The following CDC42BPB variants were observed in gnomAD, a reference collection of about 807,000 sequenced individuals.
CDC42BPB encodes serine/threonine-protein kinase MRCK beta.
A neutral mutation model predicts 214.9 loss-of-function variants in CDC42BPB; 37 were observed. That is an observed-to-expected ratio of 0.17 (90% CI 0.13 to 0.23). CDC42BPB has a LOEUF of 0.23. Ranked by LOEUF, CDC42BPB falls within the 10% of genes least tolerant of loss-of-function variation. CDC42BPB has a pLI of 1.00. For missense variants in CDC42BPB, 1,694 were observed against 2,227.0 expected (o/e 0.76, Z 4.82); for synonymous variants, 931 against 884.0 (o/e 1.05, Z -0.94).
chr14:103,055,478 CCTCA>C (rs1477367029), intron 1 of CDC42BPB, among the ~76,000 whole-genome samples: 1 of 152,194 alleles, frequency 6.6e-6, no homozygotes, highest in Admixed American at 6.5e-5. Context: ...GCACCAAAGA[CCTCA>C]CTTTCAAAGC....
Position 102,946,387 on chromosome 14 carries a change from C to G in CDC42BPB, c.3748+81G>C. The G allele has an allele frequency of 1.6e-5, 23 of 1,477,224 alleles. No individual in the cohort carries two copies. In the South Asian group the frequency reaches 1.7e-4, roughly 11 times the overall value. 91.5% of individuals were successfully genotyped at this position (1,477,224 alleles called of 1,614,324 possible). A position where few individuals can be genotyped will look rare whatever the true frequency, so the allele number is the denominator to read the frequency against. Reference sequence around the variant, plus strand: ...ACCCAAATGGACCTGTGACCTTCATCTGATTTTCAGATGGGCACTGCAGCG... The same window carrying G: ...ACCCAAATGGACCTGTGACCTTCATGTGATTTTCAGATGGGCACTGCAGCG... On this transcript the variant is annotated intron_variant, in intron 28 of 36. Coordinates refer to ENST00000361246, the MANE Select transcript of CDC42BPB (RefSeq NM_006035.4).
At chr14:102,985,075 T>A (rs367887446) in intron 6 of CDC42BPB, among the ~76,000 whole-genome samples, 7 of 147,992 alleles carry the variant, frequency 4.7e-5, no homozygotes, top group Admixed American at 2.7e-4. Flanking sequence ...GCTCTGGTTA[T>A]ACCATGACGG....
chr14:102,986,292 T>G (rs1188990060), intron 6 of CDC42BPB, 195 bp downstream of exon 6: 1 of 531,016 alleles, frequency 1.9e-6, no homozygotes, highest in East Asian at 3.1e-5. Flanking sequence ...TAAAAAGCAA[T>G]AAAGATGCTT....
chr14:103,020,158 C>T (rs1376836108), intron 1 of CDC42BPB, among the ~76,000 whole-genome samples: 1 of 152,226 alleles, frequency 6.6e-6, no homozygotes, highest in Admixed American at 6.5e-5. Flanking sequence ...ACTGTTTGGG[C>T]CTCAGCTGCT....
intron 1 of CDC42BPB, among the ~76,000 whole-genome samples, chr14:103,031,881 A>G (rs1281964061): frequency 6.6e-6 from 1 of 152,228 alleles, no homozygotes; most frequent in Non-Finnish European, 1.5e-5. Context: ...TAAAAAATCA[A>G]AAAGCTTAAG....
chr14:102,933,383 T>C lies in CDC42BPB; in HGVS notation c.*329A>G, dbSNP rs918088271. On this transcript the variant is annotated 3_prime_UTR_variant, in exon 37 of 37. Transcript: ENST00000361246. ...GTCTGCTTCCGAAGCAGCCGCGTCA[T>C]GACGGGTTTCTGCTGAGGAAGTGGT... 4.5e-5 allele frequency: 11 copies of C among 245,290 alleles called. No homozygotes were observed. The highest frequency in any genetic ancestry group is 1.3e-4 in the African/African-American group (6 of 44,812). 15.2% of individuals were successfully genotyped at this position (245,290 alleles called of 1,614,324 possible). A position where few individuals can be genotyped will look rare whatever the true frequency, so the allele number is the denominator to read the frequency against.
chr14:102,944,487 A>G lies in CDC42BPB; in HGVS notation c.3812T>C (p.Val1271Ala), dbSNP rs1892057228. ...GLYVIEVTRDVIVRAADCKKV... is the reference protein window; with the variant it reads ...GLYVIEVTRDAIVRAADCKKV... Reference sequence around the variant, plus strand: ...CTTACAGTCAGCGGCACGGACGATCACTGTGGCAAGGAGGACAAGAGCGTG... The same window carrying G: ...CTTACAGTCAGCGGCACGGACGATCGCTGTGGCAAGGAGGACAAGAGCGTG... Residue 1271 changes from valine to alanine, a missense_variant and splice_region_variant, in exon 30 of 37, where the codon GTG (valine) becomes GCG (alanine). Coordinates refer to ENST00000361246, the MANE Select transcript of CDC42BPB (RefSeq NM_006035.4). This position sits in a 1 kb window ranked among gnomAD's most constrained non-coding sequence, Gnocchi z 6.6. 1 of 1,608,982 alleles carries G rather than the reference A, an allele frequency of 6.2e-7. No individual in the cohort carries two copies. Among genetic ancestry groups the G allele is most frequent in the African/African-American group, 1.3e-5 (1 of 74,876 alleles).
At chr14:103,038,335 C>CT (rs985714528) in intron 1 of CDC42BPB, among the ~76,000 whole-genome samples, 1 of 148,210 alleles carries the variant, frequency 6.7e-6, no homozygotes, top group Non-Finnish European at 1.5e-5. Flanking sequence ...GAGCGAGACT[C>CT]TGTCTCAAAA....
In CDC42BPB at chr14:102,975,823, C is replaced by CGTGA. The variant is rs1893714198; in HGVS notation, c.1388-24_1388-21dup. 1 of 1,613,954 alleles carries CGTGA rather than the reference C, an allele frequency of 6.2e-7. No homozygotes were observed. The highest frequency in any genetic ancestry group is 1.7e-5 in the Admixed American group (1 of 60,010). On this transcript the variant is annotated intron_variant, in intron 10 of 36. Coordinates refer to ENST00000361246, the MANE Select transcript of CDC42BPB (RefSeq NM_006035.4). The stretch of plus-strand genomic sequence containing the variant: ...TGGACTCTGAGGGATGGAGAGACAG[C>CGTGA]GTGAGGTGCAGCCTGGCCGCAGCGC...
chr14:103,033,999 C>A lies in CDC42BPB; in HGVS notation c.176-21811G>T, dbSNP rs545574737. ...AAACTTCTGTACGGATTCTACAAAGCTGCCATGGCAAACAGCTTCAGTATT... is the reference window on the plus strand; with the variant it reads ...AAACTTCTGTACGGATTCTACAAAGATGCCATGGCAAACAGCTTCAGTATT... On this transcript the variant is annotated intron_variant, in intron 1 of 36. Coordinates refer to ENST00000361246, the MANE Select transcript of CDC42BPB (RefSeq NM_006035.4). Among the ~76,000 whole-genome samples the A allele has an allele frequency of 2.6e-5, 4 of 152,354 alleles. No individual in the cohort carries two copies. In the South Asian group the frequency reaches 8.3e-4, roughly 32 times the overall value.
In CDC42BPB at chr14:103,004,801, G is replaced by A. The variant is rs7151784; in HGVS notation, c.352-778C>T. ...GGAGAACTGCTTGAGCCCAGGAAGC[G>A]GAGGTTGCGGTGAGCCAAAATTGCA... On this transcript the variant is annotated intron_variant, in intron 3 of 36. Coordinates refer to ENST00000361246, the MANE Select transcript of CDC42BPB (RefSeq NM_006035.4). The surrounding 1 kb of genome is among the most constrained non-coding windows in gnomAD (Gnocchi z 5.3). 0.069 allele frequency among the ~76,000 whole-genome samples: 10,536 copies of A among 151,884 alleles called. 826 individuals are homozygous for A. Among genetic ancestry groups the A allele is most frequent in the African/African-American group, 0.2 (8,065 of 41,332 alleles).
intron 25 of CDC42BPB, chr14:102,950,118 G>A (rs1338762764): frequency 1.4e-5 from 14 of 984,856 alleles, no homozygotes; most frequent in South Asian, 4.7e-5. Flanking sequence ...CTCAGCCAAC[G>A]CTGTGTCCAC....
chr14:102,953,282 G>A (rs568393910), intron 23 of CDC42BPB, among the ~76,000 whole-genome samples: 1 of 152,366 alleles, frequency 6.6e-6, no homozygotes, highest in East Asian at 1.9e-4. Flanking sequence ...AGAGAGCTGT[G>A]GGGGAAGAGG....
chr14:102,952,398 G>C, intron 24 of CDC42BPB, 100 bp downstream of exon 24: 1 of 693,096 alleles, frequency 1.4e-6, no homozygotes, highest in Non-Finnish European at 2.5e-6. Context: ...ACTTTAGTTT[G>C]GTTTGCTTGC....
At chr14:102,948,028 G>T in intron 26 of CDC42BPB, 1 of 937,244 alleles carries the variant, frequency 1.1e-6, no homozygotes, top group Non-Finnish European at 1.3e-6. Flanking sequence ...AAACCCCGGA[G>T]CCTCATCCCC....
At chr14:102,956,399 A>T in intron 21 of CDC42BPB, 1 of 972,632 alleles carries the variant, frequency 1.0e-6, no homozygotes, top group Non-Finnish European at 1.2e-6. Flanking sequence ...GTAAAAACCA[A>T]CATGTTTCAT....
chr14:102,939,685 G>A lies in CDC42BPB; in HGVS notation c.4752C>T (p.Ser1584=). 1 of 1,614,164 alleles carries A rather than the reference G, an allele frequency of 6.2e-7. No homozygotes were observed. Among genetic ancestry groups the A allele is most frequent in the Non-Finnish European group, 8.5e-7 (1 of 1,180,022 alleles). ...RDPELRSKMI[S]NPTNFNHVAH... ...CCACGTGGTTGAAGTTGGTTGGGTT[G>A]GATATCATTTTGGATCTCAATTCTG... The change falls in exon 34 of 37, where the codon TCC becomes TCT. Residue 1584 remains serine (S), a synonymous_variant. Transcript: ENST00000361246.
chr14:103,017,237 G>A (rs992050559), intron 1 of CDC42BPB, among the ~76,000 whole-genome samples: 2 of 152,144 alleles, frequency 1.3e-5, no homozygotes, highest in African/African-American at 4.8e-5. Flanking sequence ...GCGAGAGATC[G>A]CTGGAGCCCG....
chr14:103,010,688 A>T (rs753931132), intron 2 of CDC42BPB, among the ~76,000 whole-genome samples: 65 of 152,242 alleles, frequency 4.3e-4, no homozygotes, highest in Non-Finnish European at 9.0e-4. Context: ...CCAGCCAAGG[A>T]GAGCTTAGAT....
Sources: allele counts gnomAD v4.1 joint callset (sites outside exome capture counted in the v4.1 genomes callset), GRCh38; gene constraint gnomAD v4.1.1; non-coding constraint Gnocchi (gnomAD v3.1); transcripts MANE v1.5; gene names NCBI Gene and HGNC (gene_info 2026-07-23, HGNC 2026-07-21).